The following LOC112267897 variants were observed in gnomAD, a reference collection of about 807,000 sequenced individuals.
chr13:63,746,987 G>T, the LOC112267897 span: 2 of 1,455,618 alleles, frequency 1.4e-6, no homozygotes. Context: ...CTATGGCTGT[G>T]GCTATGGAAC....
At chr13:63,747,031 C>A in the LOC112267897 span, 3 of 1,587,508 alleles carry the variant, frequency 1.9e-6, no homozygotes, top group Non-Finnish European at 2.6e-6. Flanking sequence ...CTGGCTACAG[C>A]TGTGGCTATG....
At chr13:63,747,364 C>T in the LOC112267897 span, 4 of 477,492 alleles carry the variant, frequency 8.4e-6, no homozygotes, top group Non-Finnish European at 1.4e-5. Flanking sequence ...TCCACGGTGT[C>T]ATCTGACTGT....
At chr13:63,747,548 A>G in the LOC112267897 span, 1 of 185,788 alleles carries the variant, frequency 5.4e-6, no homozygotes, top group Admixed American at 1.1e-4. Context: ...AATATAGTTT[A>G]TAAAGCAAAA....
the LOC112267897 span, chr13:63,746,933 G>T: frequency 6.9e-7 from 1 of 1,439,380 alleles, no homozygotes; most frequent in Non-Finnish European, 9.7e-7. Flanking sequence ...CTGTGGCTAT[G>T]GCTGTGGCTA....
At chr13:63,747,789 T>C in the LOC112267897 span, 2 of 130,266 alleles carry the variant, frequency 1.5e-5, no homozygotes, top group African/African-American at 7.6e-5. Flanking sequence ...TTATTATTAT[T>C]ATTATTATTA....
chr13:63,746,961 G>A, the LOC112267897 span: 8 of 1,405,612 alleles, frequency 5.7e-6, no homozygotes, highest in Admixed American at 1.7e-5. Flanking sequence ...GGTTATGGCT[G>A]TGGCTATGGC....
At chr13:63,746,991 A>G in the LOC112267897 span, 1 of 1,469,838 alleles carries the variant, frequency 6.8e-7, no homozygotes, top group Admixed American at 1.7e-5. Context: ...GGCTGTGGCT[A>G]TGGAACTGGC....
At chr13:63,747,111 A>G in the LOC112267897 span, 3 of 1,601,698 alleles carry the variant, frequency 1.9e-6, no homozygotes, top group African/African-American at 2.8e-5. Flanking sequence ...GGAACTGGCT[A>G]TGGCTGTGGA....
the LOC112267897 span, chr13:63,746,978 T>C: frequency 6.9e-7 from 1 of 1,439,796 alleles, no homozygotes; most frequent in Middle Eastern, 1.7e-4. Context: ...TGGCTCCAGC[T>C]ATGGCTGTGG....
the LOC112267897 span, chr13:63,747,054 G>C: frequency 6.2e-7 from 1 of 1,602,642 alleles, no homozygotes; most frequent in Non-Finnish European, 8.5e-7. Context: ...TCTGGCTCTG[G>C]CTGTGGCTAT....
chr13:63,747,039 A>C, the LOC112267897 span: 35 of 1,593,758 alleles, frequency 2.2e-5, no homozygotes, highest in East Asian at 1.3e-4. Flanking sequence ...AGCTGTGGCT[A>C]TGGCTCTGGC....
the LOC112267897 span, chr13:63,746,965 C>G: frequency 2.8e-6 from 4 of 1,418,484 alleles, no homozygotes; most frequent in South Asian, 4.6e-5. Flanking sequence ...ATGGCTGTGG[C>G]TATGGCTCCA....
At chr13:63,747,757 T>C in the LOC112267897 span, 1 of 128,566 alleles carries the variant, frequency 7.8e-6, no homozygotes, top group East Asian at 2.0e-4. Flanking sequence ...AAGTGGTCTA[T>C]ATAGGTACTG....
the LOC112267897 span, chr13:63,747,405 C>T: frequency 2.7e-6 from 1 of 376,444 alleles, no homozygotes. Flanking sequence ...CTCCCTTAAT[C>T]TCTGACTCTC....
At chr13:63,747,153 G>A in the LOC112267897 span, 33 of 1,586,928 alleles carry the variant, frequency 2.1e-5, 1 homozygote, top group South Asian at 4.4e-5. Flanking sequence ...TGTGGCTACC[G>A]GCCATTTTGC....
the LOC112267897 span, chr13:63,747,018 G>C: frequency 6.4e-6 from 10 of 1,566,938 alleles, 1 homozygote; most frequent in Admixed American, 1.3e-4. Context: ...TGTGGCTATG[G>C]CTCTGGCTAC....
chr13:63,746,927 G>C, the LOC112267897 span: 7 of 1,445,812 alleles, frequency 4.8e-6, no homozygotes, highest in Non-Finnish European at 6.8e-6. Flanking sequence ...CTACAGCTGT[G>C]GCTATGGCTG....
the LOC112267897 span, chr13:63,747,049 C>T: frequency 3.1e-6 from 5 of 1,600,854 alleles, no homozygotes; most frequent in Non-Finnish European, 4.3e-6. Flanking sequence ...ATGGCTCTGG[C>T]TCTGGCTGTG....
At chr13:63,747,000 G>C in the LOC112267897 span, 3 of 1,506,722 alleles carry the variant, frequency 2.0e-6, no homozygotes, top group South Asian at 1.1e-5. Context: ...TATGGAACTG[G>C]CTACAGCTGT....
Sources: gnomAD v4.1 joint callset for allele counts on GRCh38, gnomAD v4.1.1 for gene constraint, MANE v1.5 for transcripts.